Variants in BICDL1 observed in about 807,000 individuals in gnomAD.
The protein encoded by BICDL1 is BICD family-like cargo adapter 1.
A neutral mutation model predicts 76.8 loss-of-function variants in BICDL1; 20 were observed. The observed-to-expected ratio is 0.26, with a 90% CI of 0.18 to 0.38. The LOEUF is 0.38. Among genes scored for constraint, BICDL1 ranks in the 10% least tolerant of loss-of-function variants. The pLI, the probability that BICDL1 is intolerant of heterozygous loss-of-function variation, is 1.00. For synonymous variants in BICDL1, 383 were observed against 337.1 expected, an observed-to-expected ratio of 1.14 and a Z score of -1.49; for missense variants, 700 against 798.6, an observed-to-expected ratio of 0.88 and a Z score of 1.49.
intron 2 of BICDL1, among the ~76,000 whole-genome samples, chr12:120,056,533 A>G (rs975249116): frequency 5.3e-5 from 8 of 152,198 alleles, no homozygotes; most frequent in Admixed American, 3.3e-4. Flanking sequence ...AGCCTGACCA[A>G]CGTGGTGAAA....
chr12:119,998,072 C>G (rs565466269), intron 1 of BICDL1, among the ~76,000 whole-genome samples: 3 of 152,208 alleles, frequency 2.0e-5, no homozygotes, highest in Admixed American at 2.0e-4. Context: ...CAAGATCACA[C>G]CACTGCATTC....
In BICDL1 at chr12:120,001,497, C is replaced by A. The variant is rs1457860326; in HGVS notation, c.645+2761C>A. Among the ~76,000 whole-genome samples, 47 of 152,180 alleles carry A rather than the reference C, an allele frequency of 3.1e-4. 2 individuals are homozygous for A. Among genetic ancestry groups the A allele is most frequent in the Non-Finnish European group, 4.4e-5 (3 of 68,024 alleles). On this transcript the variant is annotated intron_variant, in intron 2 of 9. Coordinates refer to ENST00000548673, the MANE Select transcript of BICDL1 (RefSeq NM_001367886.1). The stretch of plus-strand genomic sequence containing the variant: ...TCCTGACCTTGTGATCTGCCCGCCT[C>A]GGCCTCCCAAAGTGCTGGGATTACA...
chr12:120,021,491 G>A (rs1386339959), intron 2 of BICDL1, among the ~76,000 whole-genome samples: 6 of 149,834 alleles, frequency 4.0e-5, no homozygotes, highest in African/African-American at 1.2e-4. Flanking sequence ...GGAGGCTGAG[G>A]CAGGAGAATC....
Position 120,015,297 on chromosome 12 carries a change from C to T in BICDL1, c.645+16561C>T, listed in dbSNP as rs1224870744. The stretch of plus-strand genomic sequence containing the variant: ...ACTCTTACTGCATTTAGGGGACTCC[C>T]TTGGCATAACAAATAAGAAAGGGCA... On this transcript the variant is annotated intron_variant, in intron 2 of 9. Transcript: ENST00000548673. Among the ~76,000 whole-genome samples, 10 of 152,200 alleles carry T rather than the reference C, an allele frequency of 6.6e-5. 1 individual carries two copies. The highest frequency in any genetic ancestry group is 2.4e-4 in the African/African-American group (10 of 41,454).
intron 2 of BICDL1, among the ~76,000 whole-genome samples, chr12:120,001,618 C>G (rs906053537): frequency 4.6e-5 from 7 of 152,154 alleles, no homozygotes; most frequent in African/African-American, 1.7e-4. Flanking sequence ...CTAAAATGTA[C>G]AGTATTTCTT....
chr12:120,007,608 A>T (rs912286412), intron 2 of BICDL1, among the ~76,000 whole-genome samples: 1 of 152,206 alleles, frequency 6.6e-6, no homozygotes, highest in African/African-American at 2.4e-5. Flanking sequence ...CTAATGCCTT[A>T]TCCACACACA....
intron 2 of BICDL1, among the ~76,000 whole-genome samples, chr12:120,002,339 A>G (rs1224391953): frequency 6.6e-6 from 1 of 152,226 alleles, no homozygotes; most frequent in Non-Finnish European, 1.5e-5. Flanking sequence ...AATTCAACCC[A>G]TAAGAAACGT....
chr12:120,092,505 G>A, intron 9 of BICDL1: 2 of 985,476 alleles, frequency 2.0e-6, no homozygotes, highest in Non-Finnish European at 2.4e-6. Flanking sequence ...AGCTCAGGCT[G>A]GAATAATTGG....
rs905302065 is a variant in BICDL1 at position 120,054,797 on chromosome 12, T to A, written c.646-6913T>A. ...CAGAAGGCTGAGGCAGGAGAATCAC[T>A]TGAACCTGGGAGGCGGAGGTTGCAG... On this transcript the variant is annotated intron_variant, in intron 2 of 9. Transcript: ENST00000548673. 3.2e-4 allele frequency among the ~76,000 whole-genome samples: 49 copies of A among 152,106 alleles called. 1 individual carries two copies. The highest frequency in any genetic ancestry group is 3.2e-3 in the Admixed American group (49 of 15,276).
At chr12:120,084,069 C>T (rs7953368) in intron 8 of BICDL1, among the ~76,000 whole-genome samples, 13,389 of 151,904 alleles carry the variant, frequency 0.088, 736 homozygotes, top group African/African-American at 0.15. Context: ...GTGGCATGAT[C>T]TTGGCTCACT....
In BICDL1 at chr12:119,989,938, A is replaced by C. The variant is rs749372275; in HGVS notation, c.70A>C (p.Met24Leu). 6.8e-7 allele frequency: 1 copy of C among 1,470,284 alleles called. No individual in the cohort carries two copies. The highest frequency in any genetic ancestry group is 8.9e-7 in the Non-Finnish European group (1 of 1,124,582). 91.1% of individuals were successfully genotyped at this position (1,470,284 alleles called of 1,614,324 possible). Residue 24 changes from methionine (M) to leucine (L), a missense_variant, in exon 1 of 10, where the codon ATG becomes CTG. This residue lies in a region of BICDL1 where 225 missense variants were observed against 199.6 expected (regional missense o/e 1.13). Coordinates refer to ENST00000548673, the MANE Select transcript of BICDL1 (RefSeq NM_001367886.1). Reference protein sequence around the residue: ...APAEPDSACCMELPAAAGDAV... With the variant: ...APAEPDSACCLELPAAAGDAV... ...CGCCGAGCCGGACAGCGCCTGCTGCATGGAGCTGCCCGCCGCGGCCGGGGA... is the reference window on the plus strand; with the variant it reads ...CGCCGAGCCGGACAGCGCCTGCTGCCTGGAGCTGCCCGCCGCGGCCGGGGA...
intron 1 of BICDL1, among the ~76,000 whole-genome samples, chr12:119,994,754 C>T (rs1488253950): frequency 6.6e-6 from 1 of 152,178 alleles, no homozygotes; most frequent in East Asian, 1.9e-4. Context: ...TCCCAAAGTG[C>T]TGGGATTACA....
intron 2 of BICDL1, chr12:119,999,625 GT>G: frequency 3.6e-6 from 1 of 281,560 alleles, no homozygotes; most frequent in South Asian, 3.3e-5. Context: ...ATTAACCAAA[GT>G]CAAGGCTGTA....
intron 8 of BICDL1, among the ~76,000 whole-genome samples, chr12:120,088,291 C>T (rs1401520015): frequency 6.6e-6 from 1 of 152,174 alleles, no homozygotes; most frequent in Non-Finnish European, 1.5e-5. Context: ...TTTTCTGGTG[C>T]TTTTTCCACT....
At chr12:120,043,789 G>T (rs1952692474) in intron 2 of BICDL1, among the ~76,000 whole-genome samples, 1 of 152,210 alleles carries the variant, frequency 6.6e-6, no homozygotes, top group African/African-American at 2.4e-5. Context: ...AAGGTGTTCA[G>T]ATTTTATCTC....
chr12:120,005,218 T>C (rs1951829001), intron 2 of BICDL1, among the ~76,000 whole-genome samples: 1 of 152,188 alleles, frequency 6.6e-6, no homozygotes, highest in African/African-American at 2.4e-5. Context: ...AATAGAGAAA[T>C]GTTCAGTACA....
chr12:120,091,523 C>T (rs1019785295), intron 9 of BICDL1: 42 of 985,162 alleles, frequency 4.3e-5, no homozygotes, highest in Non-Finnish European at 4.7e-5. Context: ...AAGGAGGGAC[C>T]GTGTGTTGGC....
Position 120,093,411 on chromosome 12 carries a change from A to G in BICDL1, c.*250A>G. The G allele has an allele frequency of 1.9e-6, 1 of 518,486 alleles. No individual in the cohort carries two copies. Among genetic ancestry groups the G allele is most frequent in the Non-Finnish European group, 3.5e-6 (1 of 288,434 alleles). The allele number at this position is 518,486 out of a possible 1,614,324, so 32.1% of individuals were successfully genotyped here. On this transcript the variant is annotated 3_prime_UTR_variant, in exon 10 of 10. Coordinates refer to ENST00000548673, the MANE Select transcript of BICDL1 (RefSeq NM_001367886.1). ...AAGCCCACGCCTGGGCTTCTCCAGG[A>G]CCACGTGCTTGAGCAGGGTTAGGCC...
intron 2 of BICDL1, among the ~76,000 whole-genome samples, chr12:120,005,652 A>G (rs550595180): frequency 6.6e-6 from 1 of 152,318 alleles, no homozygotes; most frequent in East Asian, 1.9e-4. Context: ...TACAGGTGTG[A>G]GCCACCACGC....
Sources: allele counts gnomAD v4.1 joint callset (sites outside exome capture counted in the v4.1 genomes callset), GRCh38; gene constraint gnomAD v4.1.1; regional missense constraint gnomAD v4.1.1; transcripts MANE v1.5; gene names NCBI Gene and HGNC (gene_info 2026-07-23, HGNC 2026-07-21).